Variants in IRAK1BP1 observed in about 807,000 individuals in gnomAD.
IRAK1BP1 encodes interleukin-1 receptor-associated kinase 1-binding protein 1.
A neutral mutation model predicts 28.0 loss-of-function variants in IRAK1BP1; 24 were observed. The ratio of observed to expected loss-of-function variants is 0.86; its 90% CI spans 0.62 to 1.20. The LOEUF (loss-of-function observed/expected upper bound fraction) is 1.20. Among genes scored for constraint, IRAK1BP1 ranks in the 50% most tolerant of loss-of-function variants. The probability of loss-of-function intolerance (pLI) is 0.00; values close to 1 mark genes in which losing one functional copy is unlikely to be tolerated. For missense variants in IRAK1BP1, 336 were observed against 316.7 expected, an observed-to-expected ratio of 1.06 and a Z score of -0.46; for synonymous variants, 131 against 116.3, an observed-to-expected ratio of 1.13 and a Z score of -0.81.
At chr6:78,972,247 G>A in the IRAK1BP1 span, among the ~76,000 whole-genome samples, 4 of 152,190 alleles carry the variant, frequency 2.6e-5, no homozygotes, top group African/African-American at 9.7e-5. Flanking sequence ...CTAACTGGGA[G>A]GCACCCTCCA....
At chr6:78,922,405 CA>C (rs1415397207) in intron 4 of IRAK1BP1, among the ~76,000 whole-genome samples, 1 of 152,208 alleles carries the variant, frequency 6.6e-6, no homozygotes, top group East Asian at 1.9e-4. Flanking sequence ...ACAAAGCCTC[CA>C]AAAATATAGG....
At chr6:78,945,068 T>C (rs537777229) in intron 4 of IRAK1BP1, among the ~76,000 whole-genome samples, 44 of 152,218 alleles carry the variant, frequency 2.9e-4, no homozygotes, top group Middle Eastern at 6.8e-3. Context: ...AATTTAAACT[T>C]TGAAGATTTA....
downstream of IRAK1BP1, chr6:78,946,577 A>C: frequency 7.1e-7 from 1 of 1,406,042 alleles, no homozygotes; most frequent in South Asian, 1.7e-5. Context: ...AATCCTCCAC[A>C]TCATAGGAAC....
chr6:78,941,473 G>A lies in IRAK1BP1; in HGVS notation c.*68-3935G>A, dbSNP rs566419369. On this transcript the variant is annotated intron_variant and NMD_transcript_variant, in intron 4 of 4. Coordinates refer to the IRAK1BP1 transcript ENST00000606868. ...TATTAAAATGAGAAAAAAGAACCTA[G>A]AAAACACTAATAGTTCAATGATCTT... 2.0e-5 allele frequency: 11 copies of A among 556,018 alleles called. No homozygotes were observed. The South Asian group carries it at 3.3e-4, about 17-fold the overall frequency. The allele number at this position is 556,018 out of a possible 1,614,324, so 34.4% of individuals were successfully genotyped here.
intron 4 of IRAK1BP1, among the ~76,000 whole-genome samples, chr6:78,914,978 G>A (rs1256140474): frequency 6.6e-6 from 1 of 151,284 alleles, no homozygotes; most frequent in African/African-American, 2.4e-5. Context: ...GTGCCACCAT[G>A]CCCGGCTAAT....
intron 2 of IRAK1BP1, among the ~76,000 whole-genome samples, chr6:78,893,314 G>GTGTATATATA (rs1273555034): frequency 9.7e-6 from 1 of 103,454 alleles, no homozygotes; most frequent in African/African-American, 3.4e-5. Context: ...GTGTGTGTGT[G>GTGTATATATA]TATATATATA....
chr6:78,935,464 T>C (rs1439107672), intron 4 of IRAK1BP1: 1 of 970,750 alleles, frequency 1.0e-6, no homozygotes, highest in African/African-American at 1.8e-5. Flanking sequence ...TTCCCAGAAA[T>C]TGCACATTTT....
chr6:78,974,713 T>C, the IRAK1BP1 span, among the ~76,000 whole-genome samples: 1 of 152,040 alleles, frequency 6.6e-6, no homozygotes, highest in Non-Finnish European at 1.5e-5. Context: ...CCCACAGAAA[T>C]ACAAACTACC....
At chr6:78,917,379 A>C (rs907488354) in intron 4 of IRAK1BP1, among the ~76,000 whole-genome samples, 2 of 152,018 alleles carry the variant, frequency 1.3e-5, no homozygotes, top group Admixed American at 6.6e-5. Flanking sequence ...AGAAAAAATA[A>C]TTTTTTTAAA....
rs1317983546 is a variant in IRAK1BP1 at position 78,885,457 on chromosome 6, A to T, written c.381+14A>T. 1.1e-5 allele frequency: 6 copies of T among 536,334 alleles called. No individual in the cohort carries two copies. The highest frequency in any genetic ancestry group is 1.7e-5 in the Non-Finnish European group (6 of 345,014). 33.2% of individuals were successfully genotyped at this position (536,334 alleles called of 1,614,324 possible). A position where few individuals can be genotyped will look rare whatever the true frequency, so the allele number is the denominator to read the frequency against. ...ATGGAAGCAGAGGTATGTACTTAAC[A>T]AATAATTGGAAGCAGCATGATTTTG... On this transcript the variant is annotated intron_variant, in intron 2 of 3. Transcript: ENST00000369940.
Position 78,867,712 on chromosome 6 carries a change from G to A in IRAK1BP1, c.136G>A (p.Ala46Thr). Residue 46 changes from alanine (A) to threonine (T), a missense_variant, in exon 1 of 4, where the codon GCC (alanine) becomes ACC (threonine). Ala to Thr is a moderately conservative substitution (Grantham distance 58). Transcript: ENST00000369940. ...GLRHPLSSTQ[A>T]QTATREVQVS... ...ACGCCACCCCCTCTCCTCAACACAA[G>A]CCCAAACTGCTACCCGCGAGGTGCA... 1 of 1,614,238 alleles carries A rather than the reference G, an allele frequency of 6.2e-7. No individual in the cohort carries two copies. Among genetic ancestry groups the A allele is most frequent in the Non-Finnish European group, 8.5e-7 (1 of 1,180,036 alleles).
chr6:78,970,252 A>G, the IRAK1BP1 span: 1 of 1,264,262 alleles, frequency 7.9e-7, no homozygotes. Context: ...GTTGAGAAAA[A>G]ACTTCTTGGT....
chr6:78,955,819 A>G, the IRAK1BP1 span: 2 of 463,086 alleles, frequency 4.3e-6, no homozygotes, highest in Non-Finnish European at 7.8e-6. Context: ...GCTTACTCCA[A>G]TAATTTATGC....
the IRAK1BP1 span, among the ~76,000 whole-genome samples, chr6:78,962,013 G>A: frequency 1.3e-5 from 2 of 151,944 alleles, no homozygotes; most frequent in Non-Finnish European, 2.9e-5. Context: ...AATTCTAGGG[G>A]TATTGTTTTA....
At chr6:78,886,082 T>C (rs749203006) in intron 2 of IRAK1BP1, among the ~76,000 whole-genome samples, 1 of 152,164 alleles carries the variant, frequency 6.6e-6, no homozygotes, top group Non-Finnish European at 1.5e-5. Flanking sequence ...GCCACCTCCT[T>C]GTAACAAGAA....
chr6:78,971,893 G>C, the IRAK1BP1 span, among the ~76,000 whole-genome samples: 4 of 152,242 alleles, frequency 2.6e-5, no homozygotes, highest in Admixed American at 1.3e-4. Flanking sequence ...ACGGAGTCTC[G>C]CTGATTGCTA....
chr6:78,909,978 G>A (rs1772361160), intron 4 of IRAK1BP1, among the ~76,000 whole-genome samples: 1 of 152,106 alleles, frequency 6.6e-6, no homozygotes, highest in Non-Finnish European at 1.5e-5. Context: ...AGGGTGGAAG[G>A]GAAACAATGA....
chr6:78,923,918 A>T (rs1319545056), intron 4 of IRAK1BP1, among the ~76,000 whole-genome samples: 2 of 152,228 alleles, frequency 1.3e-5, no homozygotes, highest in African/African-American at 2.4e-5. Flanking sequence ...CATTCAAAGC[A>T]GTGTGTAGAG....
At chr6:78,905,441 T>C (rs1772236667), downstream of IRAK1BP1, among the ~76,000 whole-genome samples, 1 of 152,194 alleles carries the variant, frequency 6.6e-6, no homozygotes, top group South Asian at 2.1e-4. Flanking sequence ...CAATTACTGC[T>C]TCTCTATGTG....
Sources: allele counts gnomAD v4.1 joint callset (sites outside exome capture counted in the v4.1 genomes callset), GRCh38; gene constraint gnomAD v4.1.1; transcripts MANE v1.5; gene names NCBI Gene and HGNC (gene_info 2026-07-23, HGNC 2026-07-21).